The following ZNF385D variants were observed in gnomAD, a reference collection of about 807,000 sequenced individuals.
ZNF385D encodes the protein zinc finger protein 385D, also known as zinc finger protein 659.
In ZNF385D, 15 loss-of-function variants were observed where a neutral mutation model predicts 35.8. The ratio of observed to expected loss-of-function variants is 0.42; its 90% CI spans 0.28 to 0.64. ZNF385D has a LOEUF of 0.64. Among genes scored for constraint, ZNF385D ranks in the 30% least tolerant of loss-of-function variants. The probability of loss-of-function intolerance (pLI) is 0.23; values close to 1 mark genes in which losing one functional copy is unlikely to be tolerated. For missense variants in ZNF385D, 474 were observed against 494.6 expected, an observed-to-expected ratio of 0.96 and a Z score of 0.39; for synonymous variants, 212 against 186.8, an observed-to-expected ratio of 1.13 and a Z score of -1.10.
chr3:22,042,773 C>T (rs1443043446), intron 3 of ZNF385D, among the ~76,000 whole-genome samples: 1 of 152,152 alleles, frequency 6.6e-6, no homozygotes, highest in Non-Finnish European at 1.5e-5. Flanking sequence ...TAAACAAGAA[C>T]ATCCAGATTT....
chr3:22,150,475 A>C (rs989237338), intron 3 of ZNF385D, among the ~76,000 whole-genome samples: 1 of 152,060 alleles, frequency 6.6e-6, no homozygotes, highest in Admixed American at 6.6e-5. Context: ...AACCCTTCAG[A>C]TCAACAATTA....
intron 2 of ZNF385D, among the ~76,000 whole-genome samples, chr3:22,215,240 C>T (rs939910176): frequency 1.9e-4 from 29 of 151,874 alleles, no homozygotes; most frequent in African/African-American, 6.8e-4. Flanking sequence ...ATCTGGGCAC[C>T]TTGAAAAAAG....
intron 3 of ZNF385D, among the ~76,000 whole-genome samples, chr3:21,797,770 T>C (rs529393377): frequency 5.6e-4 from 85 of 152,164 alleles, no homozygotes; most frequent in Admixed American, 1.2e-3. Flanking sequence ...TGCTATATGA[T>C]TTCAACTATA....
At chr3:22,197,906 T>A (rs1483214420) in intron 2 of ZNF385D, among the ~76,000 whole-genome samples, 1 of 151,716 alleles carries the variant, frequency 6.6e-6, no homozygotes, top group African/African-American at 2.4e-5. Context: ...AACAGCTTTT[T>A]GTTATCATTT....
chr3:21,491,105 T>C (rs1046518962), intron 4 of ZNF385D, among the ~76,000 whole-genome samples: 12 of 133,548 alleles, frequency 9.0e-5, no homozygotes, highest in African/African-American at 3.5e-4. Context: ...GCTTTCAGTC[T>C]TGCTTAGTAG....
intron 3 of ZNF385D, among the ~76,000 whole-genome samples, chr3:22,006,364 G>A (rs1470285288): frequency 6.6e-6 from 1 of 152,014 alleles, no homozygotes; most frequent in Non-Finnish European, 1.5e-5. Context: ...TGTTTTTCAA[G>A]TAATAAAAAG....
At chr3:22,169,447 A>T (rs1407735925) in intron 2 of ZNF385D, among the ~76,000 whole-genome samples, 1 of 152,188 alleles carries the variant, frequency 6.6e-6, no homozygotes, top group Admixed American at 6.5e-5. Flanking sequence ...TTTAATCATC[A>T]TGTTCTCTAG....
At chr3:22,030,289 A>ATGTATG (rs1559316635) in intron 3 of ZNF385D, among the ~76,000 whole-genome samples, 7 of 98,260 alleles carry the variant, frequency 7.1e-5, no homozygotes, top group African/African-American at 2.8e-4. Flanking sequence ...ATATATATAT[A>ATGTATG]TATATATATA....
At chr3:22,101,996 C>T (rs1042703359) in intron 3 of ZNF385D, among the ~76,000 whole-genome samples, 11 of 150,914 alleles carry the variant, frequency 7.3e-5, no homozygotes, top group Admixed American at 2.0e-4. Flanking sequence ...CTTTCCATTG[C>T]GCCACATCAG....
chr3:22,092,574 G>A (rs1053340857), intron 3 of ZNF385D, among the ~76,000 whole-genome samples: 44 of 152,084 alleles, frequency 2.9e-4, no homozygotes, highest in Admixed American at 1.2e-3. Flanking sequence ...AATCTGGATC[G>A]GTATGGTGTG....
chr3:21,659,408 GAC>G (rs1442150255), intron 2 of ZNF385D, among the ~76,000 whole-genome samples: 6 of 152,070 alleles, frequency 3.9e-5, no homozygotes, highest in Non-Finnish European at 8.8e-5. Context: ...TTGAGATCAT[GAC>G]ACACATAAAA....
chr3:21,834,031 C>G (rs758820975), intron 3 of ZNF385D, among the ~76,000 whole-genome samples: 1 of 151,696 alleles, frequency 6.6e-6, no homozygotes, highest in South Asian at 2.1e-4. Flanking sequence ...AATTAATACA[C>G]GTAAAATATT....
intron 3 of ZNF385D, among the ~76,000 whole-genome samples, chr3:22,047,552 T>C (rs2620560): frequency 0.26 from 39,200 of 152,002 alleles, 5,524 homozygotes; most frequent in Middle Eastern, 0.36. Context: ...TCCAAGCTCA[T>C]CCATGTTGTT....
chr3:21,608,684 A>C (rs979043429), intron 2 of ZNF385D, among the ~76,000 whole-genome samples: 38 of 152,228 alleles, frequency 2.5e-4, no homozygotes, highest in African/African-American at 8.9e-4. Context: ...AACTCTGATC[A>C]TCTGCAGAGT....
At chr3:22,150,913 G>A (rs578244171) in intron 3 of ZNF385D, among the ~76,000 whole-genome samples, 4 of 152,060 alleles carry the variant, frequency 2.6e-5, no homozygotes, top group African/African-American at 7.2e-5. Flanking sequence ...ATGTCATAAC[G>A]GACTAGAGAG....
rs962244074 is a variant in ZNF385D, at chr3:21,983,145, T to C, written c.325+185672A>G. 4.2e-5 allele frequency among the ~76,000 whole-genome samples: 5 copies of C among 118,260 alleles called. No individual in the cohort carries two copies. In the East Asian group the frequency reaches 1.0e-3, roughly 24 times the overall value. The allele number at this position is 118,260 out of a possible 152,430, so 77.6% of individuals were successfully genotyped here. A position where few individuals can be genotyped will look rare whatever the true frequency, so the allele number is the denominator to read the frequency against. On this transcript the variant is annotated intron_variant, in intron 3 of 5. Transcript: ENST00000494108. ...GGAGTCCCTCCTCCTCAATTTTTTA[T>C]TTTATTTTATTTTATTTTATTATTT... is the stretch of plus-strand genomic sequence containing the variant.
In ZNF385D at chr3:21,417,696, A is replaced by G. The variant is rs1700580828; in HGVS notation, c.*3518T>C. 1 of 152,070 alleles carries G rather than the reference A, an allele frequency of 6.6e-6. No homozygotes were observed. Among genetic ancestry groups the G allele is most frequent in the Admixed American group, 6.5e-5 (1 of 15,274 alleles). 9.4% of individuals were successfully genotyped at this position (152,070 alleles called of 1,614,324 possible). ...GCACAGCCTCTTTGATTCTATTTTG[A>G]AACTTCTGCTGTCTTTTAATTCTTA... On this transcript the variant is annotated 3_prime_UTR_variant, in exon 8 of 8. Transcript: ENST00000281523.
At chr3:21,846,707 C>T in intron 3 of ZNF385D, among the ~76,000 whole-genome samples, 1 of 151,924 alleles carries the variant, frequency 6.6e-6, no homozygotes, top group East Asian at 1.9e-4. Flanking sequence ...CTATCCCCAG[C>T]ACAAGCCCTA....
At chr3:22,122,366 G>C (rs1476868367) in intron 3 of ZNF385D, among the ~76,000 whole-genome samples, 2 of 151,980 alleles carry the variant, frequency 1.3e-5, no homozygotes, top group African/African-American at 4.8e-5. Context: ...TTTTATAGAA[G>C]TAACTAGTTG....
Sources: gnomAD v4.1 joint callset for allele counts (sites outside exome capture counted in the v4.1 genomes callset) on GRCh38, gnomAD v4.1.1 for gene constraint, MANE v1.5 for transcripts, NCBI Gene and HGNC (gene_info 2026-07-23, HGNC 2026-07-21) for gene names.